Variants in KLF15 observed in about 807,000 individuals in gnomAD.
KLF15 encodes the protein Krueppel-like factor 15.
A neutral mutation model predicts 24.6 loss-of-function variants in KLF15; 4 were observed. The ratio of observed to expected loss-of-function variants is 0.16; its 90% CI spans 0.08 to 0.37. The LOEUF (loss-of-function observed/expected upper bound fraction) is 0.37. Ranked by LOEUF, KLF15 falls within the 10% of genes least tolerant of loss-of-function variation. The pLI is 1.00. For missense variants in KLF15, 496 were observed against 560.6 expected (o/e 0.88, Z 1.16); for synonymous variants, 246 against 236.3 (o/e 1.04, Z -0.37).
chr3:126,291,034 A>T, the KLF15 span: 2 of 152,260 alleles, frequency 1.3e-5, no homozygotes, highest in African/African-American at 4.8e-5. Context: ...GCCGCTGAAG[A>T]GGAAAGGCAG....
downstream of KLF15, among the ~76,000 whole-genome samples, chr3:126,341,158 C>T (rs927518276): frequency 2.0e-5 from 3 of 152,212 alleles, no homozygotes; most frequent in Non-Finnish European, 4.4e-5. Context: ...GAGGCACACT[C>T]ATCCCGGGGA....
At chr3:126,326,998 C>T in the KLF15 span, among the ~76,000 whole-genome samples, 145 of 152,196 alleles carry the variant, frequency 9.5e-4, 1 homozygote, top group African/African-American at 3.3e-3. Context: ...AGCCAGGGTA[C>T]ATTCATCAAA....
chr3:126,310,536 G>C, the KLF15 span, among the ~76,000 whole-genome samples: 25 of 152,288 alleles, frequency 1.6e-4, no homozygotes, highest in Admixed American at 3.3e-4. Context: ...ATCAGAGAAG[G>C]GGGGGTGGGT....
Position 126,352,121 on chromosome 3 carries a change from G to A in KLF15, c.802C>T (p.Pro268Ser). The change falls in exon 2 of 3, where the codon CCC becomes TCC. Residue 268 changes from proline (P) to serine (S), a missense_variant. Physicochemically the swap from Pro to Ser is moderately conservative, Grantham distance 74. Transcript: ENST00000296233. ...GAGGGCAGGTTCAAGTTGGAGGAGGGTACCACCTGGGGCACGAGTGCGAAG... is the reference window on the plus strand; with the variant it reads ...GAGGGCAGGTTCAAGTTGGAGGAGGATACCACCTGGGGCACGAGTGCGAAG... ...QTFALVPQVV[P>S]SSNLNLPSKF... The A allele has an allele frequency of 6.4e-7, 1 of 1,558,186 alleles. No homozygotes were observed. The highest frequency in any genetic ancestry group is 8.7e-7 in the Non-Finnish European group (1 of 1,150,472).
At chr3:126,323,417 A>G in the KLF15 span, among the ~76,000 whole-genome samples, 1 of 38,242 alleles carries the variant, frequency 2.6e-5, no homozygotes, top group Admixed American at 3.6e-4. Flanking sequence ...ATATATATAT[A>G]TATATATATA....
At chr3:126,331,051 C>T in the KLF15 span, among the ~76,000 whole-genome samples, 1 of 152,158 alleles carries the variant, frequency 6.6e-6, no homozygotes, top group Non-Finnish European at 1.5e-5. Flanking sequence ...CCCCTATCCT[C>T]AGGAGTCTGA....
chr3:126,333,404 A>G, the KLF15 span, among the ~76,000 whole-genome samples: 236 of 151,042 alleles, frequency 1.6e-3, no homozygotes, highest in African/African-American at 5.6e-3. Context: ...CCTGCCCTAA[A>G]AGAGCTCCTG....
the KLF15 span, among the ~76,000 whole-genome samples, chr3:126,317,163 G>T: frequency 6.6e-6 from 1 of 152,160 alleles, no homozygotes; most frequent in Non-Finnish European, 1.5e-5. Flanking sequence ...TGCCCTGGGG[G>T]CTGGGCCGCA....
the KLF15 span, among the ~76,000 whole-genome samples, chr3:126,312,876 C>A: frequency 6.6e-6 from 1 of 152,126 alleles, no homozygotes; most frequent in Non-Finnish European, 1.5e-5. Context: ...TGGAGCCCTT[C>A]AGCATTACTG....
rs6764427 is a variant in KLF15, at chr3:126,351,283, T to G, written c.1082+558A>C. Among the ~76,000 whole-genome samples, 6 of 152,268 alleles carry G rather than the reference T, an allele frequency of 3.9e-5. No individual in the cohort carries two copies. In the East Asian group the frequency reaches 1.2e-3, roughly 29 times the overall value. On this transcript the variant is annotated intron_variant, in intron 2 of 2. Transcript: ENST00000296233. ...GGAAGCATAGGCGAGGCCCAGCCCA[T>G]GTGTCCAGAGACATCTGTGAATGAA... is the stretch of plus-strand genomic sequence containing the variant.
At chr3:126,348,193 A>G (rs919014261) in intron 2 of KLF15, among the ~76,000 whole-genome samples, 3 of 152,216 alleles carry the variant, frequency 2.0e-5, no homozygotes, top group Non-Finnish European at 4.4e-5. Context: ...GGCTGACTGG[A>G]GAATTTACCT....
chr3:126,345,833 C>T (rs909072516), intron 2 of KLF15, among the ~76,000 whole-genome samples: 1 of 152,228 alleles, frequency 6.6e-6, no homozygotes, highest in African/African-American at 2.4e-5. Flanking sequence ...AACTCCGACT[C>T]ACATCACAGA....
chr3:126,323,500 A>G, the KLF15 span, among the ~76,000 whole-genome samples: 2 of 100,138 alleles, frequency 2.0e-5, no homozygotes, highest in Non-Finnish European at 4.1e-5. Context: ...ATATATATAT[A>G]TAACTACTAT....
chr3:126,351,981 G>A lies in KLF15; in HGVS notation c.942C>T (p.Ala314=), dbSNP rs764240720. 2.1e-5 allele frequency: 33 copies of A among 1,594,456 alleles called. No individual in the cohort carries two copies. The highest frequency in any genetic ancestry group is 8.0e-5 in the African/African-American group (6 of 74,612). The change falls in exon 2 of 3, where the codon GCC becomes GCT. Residue 314 remains alanine, a synonymous_variant. Coordinates refer to ENST00000296233, the MANE Select transcript of KLF15 (RefSeq NM_014079.4). ...LMGQKFPKNP[A]AELIKMHKCT... ...ATTTGTGCATTTTGATGAGTTCTGC[G>A]GCTGGGTTCTTGGGGAACTTCTGGC...
the KLF15 span, among the ~76,000 whole-genome samples, chr3:126,295,405 G>A: frequency 1.3e-5 from 2 of 152,180 alleles, no homozygotes; most frequent in African/African-American, 2.4e-5. Flanking sequence ...GCCTTTGCTC[G>A]AAGCCTGTCT....
chr3:126,327,724 T>C, the KLF15 span, among the ~76,000 whole-genome samples: 2 of 152,208 alleles, frequency 1.3e-5, no homozygotes, highest in African/African-American at 2.4e-5. Context: ...CATGTTTACA[T>C]AATGTAAATT....
At chr3:126,290,393 G>A in the KLF15 span, among the ~76,000 whole-genome samples, 1 of 152,158 alleles carries the variant, frequency 6.6e-6, no homozygotes, top group South Asian at 2.1e-4. Context: ...GAGGGGGTCT[G>A]TCTGTCCCTG....
At chr3:126,351,722 CT>C (rs1167841018) in intron 2 of KLF15, 118 bp downstream of exon 2, 3 of 1,118,672 alleles carry the variant, frequency 2.7e-6, no homozygotes, top group East Asian at 5.3e-5. Flanking sequence ...CCGCCTGCCC[CT>C]CCCTCCCCTC....
the KLF15 span, among the ~76,000 whole-genome samples, chr3:126,327,371 T>C: frequency 1.3e-5 from 2 of 152,246 alleles, no homozygotes; most frequent in South Asian, 4.2e-4. Context: ...AGGCAGGACA[T>C]GATCAGACCG....
Sources: gnomAD v4.1 joint callset for allele counts (sites outside exome capture counted in the v4.1 genomes callset) on GRCh38, gnomAD v4.1.1 for gene constraint, MANE v1.5 for transcripts, NCBI Gene and HGNC (gene_info 2026-07-23, HGNC 2026-07-21) for gene names.